TMEM135: variants seen among roughly 807,000 people sequenced by gnomAD.
TMEM135 encodes the protein transmembrane protein 135, also known as peroxisomal membrane protein 52.
TMEM135 carries 30 observed loss-of-function variants against 60.3 expected under a neutral mutation model. The ratio of observed to expected loss-of-function variants is 0.50; its 90% CI spans 0.37 to 0.68. The LOEUF is 0.68. TMEM135 is among the 30% of genes least tolerant of loss of function. The probability of loss-of-function intolerance (pLI) is 0.00; values close to 1 mark genes in which losing one functional copy is unlikely to be tolerated. For missense variants in TMEM135, 468 were observed against 548.8 expected, an observed-to-expected ratio of 0.85 and a Z score of 1.47; for synonymous variants, 190 against 186.7, an observed-to-expected ratio of 1.02 and a Z score of -0.14.
chr11:87,067,566 T>C (rs1856691046), intron 1 of TMEM135, 128 bp from the exon 2 acceptor site: 2 of 1,209,376 alleles, frequency 1.7e-6, no homozygotes, highest in South Asian at 2.7e-5. Flanking sequence ...TTATAGAAGA[T>C]CCAGTGAAAT....
intron 5 of TMEM135, among the ~76,000 whole-genome samples, chr11:87,174,661 C>T (rs1248201955): frequency 1.3e-5 from 2 of 151,998 alleles, no homozygotes; most frequent in Admixed American, 6.6e-5. Flanking sequence ...TTATTATAAG[C>T]AAGGTACAGT....
rs1398772998 is a variant in TMEM135, at chr11:87,323,956, C to T, written c.*2623C>T. ...TGATATCTAGTTTATTTTTTGCCTT[C>T]ATTCGTTGTTTAGTCAGTTGTTATT... On this transcript the variant is annotated 3_prime_UTR_variant, in exon 15 of 15. Coordinates refer to ENST00000305494, the MANE Select transcript of TMEM135 (RefSeq NM_022918.4). The T allele has an allele frequency of 2.2e-6, 1 of 453,552 alleles. No individual in the cohort carries two copies. Among genetic ancestry groups the T allele is most frequent in the African/African-American group, 2.0e-5 (1 of 49,978 alleles). 28.1% of individuals were successfully genotyped at this position (453,552 alleles called of 1,614,324 possible).
At chr11:87,101,724 C>G (rs1857460618) in intron 4 of TMEM135, among the ~76,000 whole-genome samples, 1 of 152,132 alleles carries the variant, frequency 6.6e-6, no homozygotes. Context: ...CCTATAATCC[C>G]AGCACTTTGG....
At position 87,067,740 on chromosome 11, in the gene TMEM135, A is replaced by C; in HGVS notation, c.188A>C (p.Lys63Thr). Reference protein sequence around the residue: ...RKRKLDYYLHKLLPEILQSAS... With the variant: ...RKRKLDYYLHTLLPEILQSAS... The stretch of plus-strand genomic sequence containing the variant: ...CGGAAATTAGACTATTATTTACACA[A>C]ACTACTCCCTGAGATCCTACAATCC... Residue 63 changes from lysine to threonine, a missense_variant, in exon 2 of 15, where the codon AAA (lysine) becomes ACA (threonine). Transcript: ENST00000305494. The C allele has an allele frequency of 6.2e-7, 1 of 1,613,928 alleles. No homozygotes were observed. The highest frequency in any genetic ancestry group is 8.5e-7 in the Non-Finnish European group (1 of 1,179,922).
intron 5 of TMEM135, among the ~76,000 whole-genome samples, chr11:87,173,086 G>C (rs1390879408): frequency 6.6e-6 from 1 of 151,906 alleles, no homozygotes; most frequent in Non-Finnish European, 1.5e-5. Flanking sequence ...TATTTTTAAT[G>C]TTGCATCTAT....
chr11:87,253,510 C>G (rs1467804542), intron 6 of TMEM135, among the ~76,000 whole-genome samples: 2 of 151,762 alleles, frequency 1.3e-5, no homozygotes. Flanking sequence ...AAAACTCACA[C>G]CACTAATATG....
chr11:87,168,526 A>G (rs556949932), intron 5 of TMEM135, among the ~76,000 whole-genome samples: 10 of 152,098 alleles, frequency 6.6e-5, no homozygotes, highest in Non-Finnish European at 1.5e-4. Context: ...ATTGGTTTCA[A>G]AGAACTTATT....
intron 4 of TMEM135, among the ~76,000 whole-genome samples, chr11:87,118,414 A>G (rs923968171): frequency 6.0e-5 from 9 of 150,590 alleles, no homozygotes; most frequent in African/African-American, 2.2e-4. Flanking sequence ...TTCATCAACA[A>G]TCTTGGCTAG....
chr11:87,287,475 A>G (rs932892165), intron 6 of TMEM135, among the ~76,000 whole-genome samples: 1 of 152,104 alleles, frequency 6.6e-6, no homozygotes, highest in African/African-American at 2.4e-5. Flanking sequence ...TCAAGAGATC[A>G]AGACCATCCT....
intron 5 of TMEM135, among the ~76,000 whole-genome samples, chr11:87,217,866 C>T (rs1209377256): frequency 6.6e-6 from 1 of 151,650 alleles, no homozygotes; most frequent in East Asian, 1.9e-4. Flanking sequence ...GATGTTTAAA[C>T]AAAAGCTAGA....
chr11:87,308,292 G>A (rs1304544894), intron 9 of TMEM135, among the ~76,000 whole-genome samples: 1 of 152,112 alleles, frequency 6.6e-6, no homozygotes, highest in Non-Finnish European at 1.5e-5. Flanking sequence ...GAAAAAGATT[G>A]TAATGTAATT....
At chr11:87,203,379 A>G (rs1053570222) in intron 5 of TMEM135, among the ~76,000 whole-genome samples, 3 of 152,006 alleles carry the variant, frequency 2.0e-5, no homozygotes, top group Non-Finnish European at 4.4e-5. Context: ...ACCCCCTGAA[A>G]CCCTTGACAA....
rs1942941599 is a variant in TMEM135 at position 87,328,113 on chromosome 11, C to T, written c.*6780C>T. 4.4e-6 allele frequency: 2 copies of T among 454,090 alleles called. No individual in the cohort carries two copies. Among genetic ancestry groups the T allele is most frequent in the African/African-American group, 2.0e-5 (1 of 50,120 alleles). The allele number at this position is 454,090 out of a possible 1,614,324, so 28.1% of individuals were successfully genotyped here. On this transcript the variant is annotated 3_prime_UTR_variant, in exon 15 of 15. Transcript: ENST00000305494. Reference sequence around the variant, plus strand: ...ATTAACCATCACAGGCTTTATGGCTCTATTACCCAAGAATTCTGTTACTTT... The same window carrying T: ...ATTAACCATCACAGGCTTTATGGCTTTATTACCCAAGAATTCTGTTACTTT...
intron 6 of TMEM135, among the ~76,000 whole-genome samples, chr11:87,252,083 T>C (rs1014273957): frequency 1.3e-5 from 2 of 152,116 alleles, no homozygotes; most frequent in Admixed American, 6.6e-5. Context: ...GAGAAAAAGA[T>C]AGGGCCATTT....
rs1942853850 is a variant in TMEM135 at position 87,323,077 on chromosome 11, G to A, written c.*1744G>A. Reference sequence around the variant, plus strand: ...TTGTGCTTATATATTTTCCTGTCAGGTTTAAAAAGATGTTTTAATTCATAA... The same window carrying A: ...TTGTGCTTATATATTTTCCTGTCAGATTTAAAAAGATGTTTTAATTCATAA... On this transcript the variant is annotated 3_prime_UTR_variant, in exon 15 of 15. Coordinates refer to ENST00000305494, the MANE Select transcript of TMEM135 (RefSeq NM_022918.4). The A allele has an allele frequency of 2.2e-6, 1 of 453,692 alleles. No individual in the cohort carries two copies. Among genetic ancestry groups the A allele is most frequent in the South Asian group, 1.6e-5 (1 of 64,250 alleles). The allele number at this position is 453,692 out of a possible 1,614,324, so 28.1% of individuals were successfully genotyped here.
intron 6 of TMEM135, among the ~76,000 whole-genome samples, chr11:87,248,786 C>A (rs1941351403): frequency 6.6e-6 from 1 of 151,984 alleles, no homozygotes; most frequent in African/African-American, 2.4e-5. Context: ...TCTTTAATTT[C>A]TTGCATCAGT....
intron 4 of TMEM135, chr11:87,094,781 T>C: frequency 5.2e-6 from 1 of 193,166 alleles, no homozygotes. Flanking sequence ...ATGTTTGAAT[T>C]TTTTCTTCCA....
chr11:87,046,452 G>A (rs567263268), intron 1 of TMEM135, among the ~76,000 whole-genome samples: 1 of 152,312 alleles, frequency 6.6e-6, no homozygotes, highest in African/African-American at 2.4e-5. Context: ...ATGTAAGTTC[G>A]AAGGATCAAA....
intron 5 of TMEM135, among the ~76,000 whole-genome samples, chr11:87,195,155 A>G (rs1307495977): frequency 6.6e-6 from 1 of 152,198 alleles, no homozygotes; most frequent in East Asian, 1.9e-4. Context: ...AAGACATCGA[A>G]TGCAAATCCA....
Sources: gnomAD v4.1 joint callset for allele counts (sites outside exome capture counted in the v4.1 genomes callset) on GRCh38, gnomAD v4.1.1 for gene constraint, MANE v1.5 for transcripts, NCBI Gene and HGNC (gene_info 2026-07-23, HGNC 2026-07-21) for gene names.